Variants in TUSC3 observed in about 807,000 individuals in gnomAD.
TUSC3 encodes dolichyl-diphosphooligosaccharide--protein glycosyltransferase subunit TUSC3.
In TUSC3, 45 loss-of-function variants were observed where a neutral mutation model predicts 44.8. The ratio of observed to expected loss-of-function variants is 1.00; its 90% CI spans 0.79 to 1.29. The LOEUF (loss-of-function observed/expected upper bound fraction) is 1.29, where lower values mean the gene tolerates loss of function less well. Among genes scored for constraint, TUSC3 ranks in the 50% most tolerant of loss-of-function variants. The pLI, the probability that TUSC3 is intolerant of heterozygous loss-of-function variation, is 0.00. For synonymous variants in TUSC3, 212 were observed against 152.9 expected (o/e 1.39, Z -2.85); for missense variants, 519 against 437.9 (o/e 1.19, Z -1.65).
intron 9 of TUSC3, among the ~76,000 whole-genome samples, chr8:15,753,301 T>C (rs1192767003): frequency 6.6e-6 from 1 of 152,084 alleles, no homozygotes; most frequent in East Asian, 1.9e-4. Context: ...TTTTGAGAAC[T>C]GTCATTTAAT....
chr8:15,692,460 T>C (rs1808960143), intron 6 of TUSC3, among the ~76,000 whole-genome samples: 2 of 146,376 alleles, frequency 1.4e-5, no homozygotes, highest in African/African-American at 5.0e-5. Flanking sequence ...AATTTGGCTT[T>C]GAATCCAGCT....
chr8:15,642,818 T>C (rs1311273513), intron 2 of TUSC3, among the ~76,000 whole-genome samples: 3 of 145,228 alleles, frequency 2.1e-5, no homozygotes, highest in Non-Finnish European at 4.8e-5. Flanking sequence ...AGTGTTATAA[T>C]GGATTGAAGT....
chr8:15,468,916 T>TAA (rs1172225819), intron 1 of TUSC3, among the ~76,000 whole-genome samples: 1 of 144,674 alleles, frequency 6.9e-6, no homozygotes, highest in Non-Finnish European at 1.5e-5. Context: ...GCAGACAGAT[T>TAA]AAAAAAAAAA....
In TUSC3 at chr8:15,733,226, G is replaced by T. The variant is rs184361793; in HGVS notation, c.862+2497G>T. 2.6e-3 allele frequency among the ~76,000 whole-genome samples: 397 copies of T among 152,122 alleles called. 1 individual carries two copies. The highest frequency in any genetic ancestry group is 8.5e-3 in the African/African-American group (351 of 41,488). Reference sequence around the variant, plus strand: ...TAAGGGCAAAGCTGTATTTACTCTCGACTTACTATTTAAAGATATTCAGGA... The same window carrying T: ...TAAGGGCAAAGCTGTATTTACTCTCTACTTACTATTTAAAGATATTCAGGA... On this transcript the variant is annotated intron_variant, in intron 7 of 10. Coordinates refer to ENST00000503731, the MANE Select transcript of TUSC3 (RefSeq NM_006765.4).
chr8:15,776,813 C>T, the TUSC3 span, among the ~76,000 whole-genome samples: 2 of 152,074 alleles, frequency 1.3e-5, no homozygotes, highest in South Asian at 2.1e-4. Context: ...TCTTCCAGAA[C>T]GATTCTATAA....
intron 1 of TUSC3, among the ~76,000 whole-genome samples, chr8:15,549,262 C>T (rs1397061759): frequency 6.6e-6 from 1 of 151,738 alleles, no homozygotes; most frequent in Non-Finnish European, 1.5e-5. Flanking sequence ...CAACCCCTGC[C>T]TCCCGGATTC....
chr8:15,825,694 G>C, the TUSC3 span, among the ~76,000 whole-genome samples: 1 of 152,130 alleles, frequency 6.6e-6, no homozygotes, highest in East Asian at 1.9e-4. Flanking sequence ...TAAGTGCCTT[G>C]AAGTGTTACG....
At chr8:15,758,717 T>TC (rs111612013) in intron 10 of TUSC3, among the ~76,000 whole-genome samples, 1,595 of 152,014 alleles carry the variant, frequency 0.01, 26 homozygotes, top group African/African-American at 0.037. Flanking sequence ...ATTGTTCTTC[T>TC]CCCCCCAGAT....
chr8:15,623,136 C>A lies in TUSC3; in HGVS notation c.195C>A (p.Ile65=). ...QLMEWSSRRS[I]FRMNGDKFRK... ...TGGAATGGAGTTCCAGACGCTCAATCTTCCGAATGAATGGTGATAAATTCC... is the reference window on the plus strand; with the variant it reads ...TGGAATGGAGTTCCAGACGCTCAATATTCCGAATGAATGGTGATAAATTCC... The change falls in exon 2 of 11, where the codon ATC becomes ATA. Residue 65 remains isoleucine, a synonymous_variant. Transcript: ENST00000503731. 6.2e-7 allele frequency: 1 copy of A among 1,613,916 alleles called. No individual in the cohort carries two copies. Among genetic ancestry groups the A allele is most frequent in the East Asian group, 2.2e-5 (1 of 44,860 alleles).
the TUSC3 span, among the ~76,000 whole-genome samples, chr8:15,778,769 C>G: frequency 6.6e-6 from 1 of 152,156 alleles, no homozygotes; most frequent in Non-Finnish European, 1.5e-5. Flanking sequence ...AAAGGAATTT[C>G]CTCCAAAATT....
At chr8:15,728,119 T>C (rs538176973) in intron 6 of TUSC3, among the ~76,000 whole-genome samples, 34 of 152,340 alleles carry the variant, frequency 2.2e-4, no homozygotes, top group Non-Finnish European at 3.5e-4. Flanking sequence ...TTTCTTGTTA[T>C]TGTGACTGGA....
At position 15,521,728 on chromosome 8, in the gene TUSC3, C is replaced by T. The variant is rs183242006; in HGVS notation, n.189+38245C>T. 1.9e-3 allele frequency among the ~76,000 whole-genome samples: 295 copies of T among 152,278 alleles called. 1 individual carries two copies. The highest frequency in any genetic ancestry group is 2.8e-3 in the Non-Finnish European group (190 of 68,024). On this transcript the variant is annotated intron_variant and non_coding_transcript_variant, in intron 2 of 5. Transcript: ENST00000503191. ...ACTGGTTACACAAGCTTTCATTAGG[C>T]CTTCTGAGGCACTTTATGAAATGTG...
intron 1 of TUSC3, among the ~76,000 whole-genome samples, chr8:15,614,460 C>T (rs1804901704): frequency 6.6e-6 from 1 of 152,074 alleles, no homozygotes; most frequent in Non-Finnish European, 1.5e-5. Context: ...CTGTTCTTAC[C>T]TTGAGGCCCA....
At chr8:15,519,843 T>A (rs1418867566) in intron 2 of TUSC3, among the ~76,000 whole-genome samples, 1 of 152,212 alleles carries the variant, frequency 6.6e-6, no homozygotes, top group Non-Finnish European at 1.5e-5. Flanking sequence ...CTTTAATGCA[T>A]GAAAATTCTC....
intron 5 of TUSC3, among the ~76,000 whole-genome samples, chr8:15,667,740 G>T (rs765932338): frequency 1.3e-5 from 2 of 151,600 alleles, no homozygotes; most frequent in Admixed American, 6.6e-5. Context: ...TGAACCCAAA[G>T]TGTTGAAAGC....
chr8:15,802,165 G>A, the TUSC3 span, among the ~76,000 whole-genome samples: 1 of 152,142 alleles, frequency 6.6e-6, no homozygotes, highest in Admixed American at 6.5e-5. Flanking sequence ...TTTGGAAGAT[G>A]ATTCATTAAA....
At chr8:15,573,134 C>T (rs533643049) in intron 1 of TUSC3, among the ~76,000 whole-genome samples, 21 of 139,862 alleles carry the variant, frequency 1.5e-4, no homozygotes, top group African/African-American at 5.6e-4. Flanking sequence ...AGTATGTTTG[C>T]TTAACTATTG....
intron 1 of TUSC3, among the ~76,000 whole-genome samples, chr8:15,609,118 T>C (rs944637150): frequency 1.3e-5 from 2 of 152,240 alleles, no homozygotes; most frequent in South Asian, 4.1e-4. Context: ...AGTGACTGAT[T>C]TGTGTGAATC....
chr8:15,452,223 T>A (rs1800204010), intron 1 of TUSC3, among the ~76,000 whole-genome samples: 1 of 152,176 alleles, frequency 6.6e-6, no homozygotes, highest in Admixed American at 6.5e-5. Context: ...ACAACCATAT[T>A]CTTAAGTTAT....
Sources: allele counts gnomAD v4.1 joint callset (sites outside exome capture counted in the v4.1 genomes callset), GRCh38; gene constraint gnomAD v4.1.1; transcripts MANE v1.5; gene names NCBI Gene and HGNC (gene_info 2026-07-23, HGNC 2026-07-21).